The following NAV2 variants were observed in gnomAD, a reference collection of about 807,000 sequenced individuals.
The protein encoded by NAV2 is neuron navigator 2.
A neutral mutation model predicts 223.2 loss-of-function variants in NAV2; 54 were observed. The observed-to-expected ratio is 0.24, with a 90% CI of 0.19 to 0.30. NAV2 has a LOEUF of 0.30. NAV2 is among the 10% of genes least tolerant of loss of function. NAV2 has a pLI of 1.00. For synonymous variants in NAV2, 1,279 were observed against 1,239.3 expected, an observed-to-expected ratio of 1.03 and a Z score of -0.67; for missense variants, 2,806 against 3,147.5, an observed-to-expected ratio of 0.89 and a Z score of 2.60.
chr11:19,713,237 G>A lies in NAV2; in HGVS notation c.-459G>A, dbSNP rs1437929530. On this transcript the variant is annotated 5_prime_UTR_variant, in exon 1 of 38. Coordinates refer to ENST00000349880, the MANE Select transcript of NAV2 (RefSeq NM_145117.5). The surrounding 1 kb of genome is among the most constrained non-coding windows in gnomAD (Gnocchi z 7.2). ...TCCTTGGCTGCTCGCTCTTTCTCTC[G>A]CCGGCTCAGACCCGTAGCCTCCGGA... The A allele has an allele frequency of 3.5e-6, 3 of 867,622 alleles. No individual in the cohort carries two copies. The highest frequency in any genetic ancestry group is 5.3e-5 in the South Asian group (1 of 18,740). 53.7% of individuals were successfully genotyped at this position (867,622 alleles called of 1,614,324 possible). A position where few individuals can be genotyped will look rare whatever the true frequency, so the allele number is the denominator to read the frequency against.
chr11:19,751,592 A>C (rs1454190951), intron 1 of NAV2, among the ~76,000 whole-genome samples: 1 of 151,526 alleles, frequency 6.6e-6, no homozygotes, highest in East Asian at 1.9e-4. Flanking sequence ...TTCCACCGAT[A>C]AACACGAGCT....
chr11:19,747,513 T>A (rs548164201), intron 1 of NAV2, among the ~76,000 whole-genome samples: 1 of 152,264 alleles, frequency 6.6e-6, no homozygotes, highest in East Asian at 1.9e-4. Context: ...ACTATGCCAT[T>A]CTCACACAGG....
At chr11:19,554,640 G>T (rs1354249899) in intron 1 of NAV2, among the ~76,000 whole-genome samples, 1 of 152,094 alleles carries the variant, frequency 6.6e-6, no homozygotes. Context: ...TGAGGGAGTA[G>T]GTAAGGATGA....
At chr11:19,747,813 C>T (rs1403751320) in intron 1 of NAV2, among the ~76,000 whole-genome samples, 1 of 152,314 alleles carries the variant, frequency 6.6e-6, no homozygotes, top group South Asian at 2.1e-4. Flanking sequence ...ATTTCCCTTC[C>T]AGGAAAGAGC....
intron 1 of NAV2, among the ~76,000 whole-genome samples, chr11:19,622,940 G>A (rs543095695): frequency 6.1e-4 from 93 of 152,254 alleles, no homozygotes; most frequent in African/African-American, 2.0e-3. Flanking sequence ...TCCTTCAGGA[G>A]CTCTTGTAAG....
chr11:19,762,068 C>A (rs1211715646), intron 1 of NAV2, among the ~76,000 whole-genome samples: 8 of 152,124 alleles, frequency 5.3e-5, no homozygotes, highest in Non-Finnish European at 5.9e-5. Context: ...CATGGTGAAA[C>A]CTCGTCTCTA....
chr11:19,743,274 C>A (rs1191720744), intron 1 of NAV2, among the ~76,000 whole-genome samples: 2 of 152,200 alleles, frequency 1.3e-5, no homozygotes, highest in African/African-American at 4.8e-5. Context: ...GTTGCAGCTC[C>A]AAAGTGAGGC....
At chr11:20,061,523 C>A (rs983776996) in intron 19 of NAV2, among the ~76,000 whole-genome samples, 1 of 149,712 alleles carries the variant, frequency 6.7e-6, no homozygotes, top group South Asian at 2.1e-4. Context: ...GAGCTGAGAT[C>A]GTGCCATTGC....
At chr11:19,791,944 C>T (rs2057552631) in intron 1 of NAV2, among the ~76,000 whole-genome samples, 1 of 152,122 alleles carries the variant, frequency 6.6e-6, no homozygotes, top group Admixed American at 6.5e-5. Flanking sequence ...GTGCCTGGCC[C>T]CAGGAGATGC....
chr11:19,937,098 A>C (rs528852868), intron 7 of NAV2, among the ~76,000 whole-genome samples: 1 of 152,192 alleles, frequency 6.6e-6, no homozygotes, highest in Admixed American at 6.5e-5. Context: ...TGATCACGCC[A>C]CTGCACACCA....
At chr11:19,422,188 G>A (rs1285629024) in intron 1 of NAV2, among the ~76,000 whole-genome samples, 1 of 152,196 alleles carries the variant, frequency 6.6e-6, no homozygotes, top group Non-Finnish European at 1.5e-5. Flanking sequence ...CATCCCTCAT[G>A]CTGCTCTGTG....
intron 4 of NAV2, among the ~76,000 whole-genome samples, chr11:19,878,881 C>T (rs2063023989): frequency 2.0e-5 from 3 of 152,182 alleles, no homozygotes; most frequent in Admixed American, 2.0e-4. Flanking sequence ...CATTACCTAC[C>T]CCTCTAACAA....
At chr11:19,776,618 GTGGGGGTCAGAAAA>G in intron 1 of NAV2, among the ~76,000 whole-genome samples, 8 of 137,520 alleles carry the variant, frequency 5.8e-5, no homozygotes, top group African/African-American at 1.6e-4. Flanking sequence ...GGTTAGAGTT[GTGGGGGTCAGAAAA>G]TGTGTGTGTG....
chr11:19,474,974 T>C (rs954449978), intron 1 of NAV2, among the ~76,000 whole-genome samples: 1 of 152,096 alleles, frequency 6.6e-6, no homozygotes, highest in Non-Finnish European at 1.5e-5. Context: ...CCATTAGTGG[T>C]GGTGGGTGGT....
intron 1 of NAV2, among the ~76,000 whole-genome samples, chr11:19,547,214 G>A (rs540977403): frequency 1.6e-4 from 25 of 152,316 alleles, no homozygotes; most frequent in Non-Finnish European, 3.1e-4. Context: ...GTTGTTCGTT[G>A]AAGTAGCCAG....
At chr11:20,057,581 T>C (rs979434584) in intron 19 of NAV2, among the ~76,000 whole-genome samples, 1 of 152,220 alleles carries the variant, frequency 6.6e-6, no homozygotes, top group Non-Finnish European at 1.5e-5. Flanking sequence ...GCAGTTTGTC[T>C]TGAACTTCTT....
chr11:20,105,618 T>C lies in NAV2; in HGVS notation c.6732T>C (p.Ser2244=). 2.5e-6 allele frequency: 4 copies of C among 1,613,998 alleles called. No individual in the cohort carries two copies. The highest frequency in any genetic ancestry group is 3.4e-6 in the Non-Finnish European group (4 of 1,179,980). The part of the protein sequence containing the change: ...LRRKLMETEI[S]GRVRNMELVK... The stretch of plus-strand genomic sequence containing the variant: ...GGAAGCTCATGGAAACAGAGATCAG[T>C]GGGCGGGTGCGCAATATGGAGCTGG... The change falls in exon 35 of 38, where the codon AGT becomes AGC. Residue 2244 remains serine, a synonymous_variant. Transcript: ENST00000349880.
At chr11:20,063,206 C>A (rs993207046) in intron 20 of NAV2, among the ~76,000 whole-genome samples, 1 of 152,104 alleles carries the variant, frequency 6.6e-6, no homozygotes, top group Non-Finnish European at 1.5e-5. Context: ...GAAAATGAAT[C>A]TAAAACAATG....
At chr11:19,852,737 A>G (rs986398887) in intron 3 of NAV2, among the ~76,000 whole-genome samples, 17 of 150,824 alleles carry the variant, frequency 1.1e-4, no homozygotes, top group African/African-American at 4.1e-4. Context: ...CTTTCAGTTC[A>G]ATAAAAATAT....
Sources: gnomAD v4.1 joint callset for allele counts (sites outside exome capture counted in the v4.1 genomes callset) on GRCh38, gnomAD v4.1.1 for gene constraint, Gnocchi (gnomAD v3.1) non-coding constraint, MANE v1.5 for transcripts, NCBI Gene and HGNC (gene_info 2026-07-23, HGNC 2026-07-21) for gene names.